Variants in RALYL observed in about 807,000 individuals in gnomAD.
The protein encoded by RALYL is RALY RNA binding protein like, also known as RNA-binding Raly-like protein.
Under a neutral mutation model 35.1 loss-of-function variants are expected in RALYL, and 29 were observed. The observed-to-expected ratio is 0.83, with a 90% CI of 0.61 to 1.13. RALYL has a LOEUF of 1.13. RALYL is among the 50% of genes most tolerant of loss of function. RALYL has a pLI of 0.00. For missense variants in RALYL, 359 were observed against 360.4 expected (o/e 1.00, Z 0.03); for synonymous variants, 120 against 127.6 (o/e 0.94, Z 0.40).
chr8:84,502,023 A>C (rs1029103884), intron 1 of RALYL, among the ~76,000 whole-genome samples: 20 of 151,182 alleles, frequency 1.3e-4, no homozygotes, highest in African/African-American at 4.1e-4. Context: ...TTTTTCACAA[A>C]CTATTTTGTA....
chr8:84,849,175 A>C (rs764709507), intron 4 of RALYL, among the ~76,000 whole-genome samples: 6 of 152,346 alleles, frequency 3.9e-5, no homozygotes, highest in Middle Eastern at 6.8e-3. Context: ...TAGGGAGCTT[A>C]GTCGTAATAC....
chr8:84,283,986 A>T (rs1047828465), intron 1 of RALYL, among the ~76,000 whole-genome samples: 9 of 152,178 alleles, frequency 5.9e-5, no homozygotes, highest in Admixed American at 4.6e-4. Context: ...CTATTGTAGA[A>T]CAGTAAATTA....
chr8:84,711,496 C>A (rs1435531847), intron 2 of RALYL, among the ~76,000 whole-genome samples: 1 of 152,102 alleles, frequency 6.6e-6, no homozygotes, highest in Admixed American at 6.6e-5. Context: ...TCTGACTTAT[C>A]TTCTTATAAA....
At chr8:84,788,017 G>A (rs1198536576) in intron 3 of RALYL, among the ~76,000 whole-genome samples, 1 of 152,156 alleles carries the variant, frequency 6.6e-6, no homozygotes, top group African/African-American at 2.4e-5. Context: ...AAGCTCTTTA[G>A]TTTAGTTAGA....
chr8:84,228,661 C>T (rs954695314), intron 1 of RALYL, among the ~76,000 whole-genome samples: 1 of 152,102 alleles, frequency 6.6e-6, no homozygotes, highest in Non-Finnish European at 1.5e-5. Context: ...GGTCTGGTCT[C>T]ATAATGCTAT....
At chr8:84,316,382 TA>T (rs367782670) in intron 1 of RALYL, among the ~76,000 whole-genome samples, 205 of 152,270 alleles carry the variant, frequency 1.3e-3, no homozygotes, top group African/African-American at 4.5e-3. Context: ...ATATCAGGTT[TA>T]AAAATGAGGA....
chr8:84,899,716 G>A (rs767583076), intron 8 of RALYL, among the ~76,000 whole-genome samples: 1 of 152,122 alleles, frequency 6.6e-6, no homozygotes, highest in Non-Finnish European at 1.5e-5. Context: ...TGACTCTATC[G>A]TGTTGGTTTT....
At chr8:84,461,553 T>C (rs187068134) in intron 1 of RALYL, among the ~76,000 whole-genome samples, 226 of 151,872 alleles carry the variant, frequency 1.5e-3, no homozygotes, top group Admixed American at 2.6e-3. Flanking sequence ...TGTTTTCTGG[T>C]ACAAGCTAGG....
At chr8:84,676,406 C>T (rs768084894) in intron 2 of RALYL, among the ~76,000 whole-genome samples, 1 of 152,142 alleles carries the variant, frequency 6.6e-6, no homozygotes, top group Admixed American at 6.6e-5. Flanking sequence ...AGGCATAACC[C>T]CTTTTTTCCT....
intron 1 of RALYL, among the ~76,000 whole-genome samples, chr8:84,502,815 T>C (rs1355781579): frequency 6.6e-6 from 1 of 151,896 alleles, no homozygotes; most frequent in African/African-American, 2.4e-5. Context: ...AAATAATGGC[T>C]TGATAAATTT....
chr8:84,476,978 AAAT>A (rs1448447684), intron 1 of RALYL, among the ~76,000 whole-genome samples: 1 of 152,160 alleles, frequency 6.6e-6, no homozygotes, highest in Non-Finnish European at 1.5e-5. Context: ...CGTGGCAGAG[AAAT>A]AATAATATGG....
intron 5 of RALYL, among the ~76,000 whole-genome samples, chr8:84,850,748 C>T (rs939652349): frequency 6.6e-6 from 1 of 152,182 alleles, no homozygotes; most frequent in Non-Finnish European, 1.5e-5. Flanking sequence ...GGACAGGATA[C>T]GGAGTAGGCA....
At chr8:84,587,629 A>AT (rs1333192604) in intron 2 of RALYL, among the ~76,000 whole-genome samples, 5 of 152,130 alleles carry the variant, frequency 3.3e-5, no homozygotes, top group Non-Finnish European at 5.9e-5. Flanking sequence ...AAAATTAAGG[A>AT]TTTTTTGGAC....
At chr8:84,637,102 T>A (rs1463219082) in intron 2 of RALYL, among the ~76,000 whole-genome samples, 1 of 151,894 alleles carries the variant, frequency 6.6e-6, no homozygotes, top group Non-Finnish European at 1.5e-5. Flanking sequence ...TATTATACTA[T>A]TTAGGTTCTT....
chr8:84,222,829 G>T (rs1482264314), intron 1 of RALYL, among the ~76,000 whole-genome samples: 2 of 152,030 alleles, frequency 1.3e-5, no homozygotes, highest in Non-Finnish European at 2.9e-5. Flanking sequence ...TCGAGTCTTT[G>T]GTTATGAGAT....
chr8:84,583,011 C>T (rs1358705393), intron 2 of RALYL, among the ~76,000 whole-genome samples: 2 of 152,106 alleles, frequency 1.3e-5, no homozygotes, highest in African/African-American at 4.8e-5. Flanking sequence ...CTGACTCCAT[C>T]TATCTATACA....
At chr8:84,302,483 TC>T (rs1205367611) in intron 1 of RALYL, among the ~76,000 whole-genome samples, 1 of 152,184 alleles carries the variant, frequency 6.6e-6, no homozygotes, top group Non-Finnish European at 1.5e-5. Flanking sequence ...AGTTCCACCC[TC>T]TTTACTCTTT....
At chr8:84,849,035 C>T (rs1287498712) in intron 4 of RALYL, among the ~76,000 whole-genome samples, 2 of 152,128 alleles carry the variant, frequency 1.3e-5, no homozygotes, top group Non-Finnish European at 2.9e-5. Flanking sequence ...TCTGTTGCAC[C>T]TTAATTTCTT....
intron 4 of RALYL, among the ~76,000 whole-genome samples, chr8:84,847,578 G>A (rs1479088294): frequency 1.3e-5 from 2 of 152,062 alleles, no homozygotes; most frequent in African/African-American, 4.8e-5. Context: ...TTTGATGGTA[G>A]CCAATAGGTG....
Sources: gnomAD v4.1 joint callset for allele counts (sites outside exome capture counted in the v4.1 genomes callset) on GRCh38, gnomAD v4.1.1 for gene constraint, MANE v1.5 for transcripts, NCBI Gene and HGNC (gene_info 2026-07-23, HGNC 2026-07-21) for gene names.